The following INVS variants were observed in gnomAD, a reference collection of about 807,000 sequenced individuals.
The protein encoded by INVS is inversion of embryo turning homolog.
Under a neutral mutation model 108.8 loss-of-function variants are expected in INVS, and 86 were observed. The observed-to-expected ratio is 0.79, with a 90% CI of 0.66 to 0.95. The LOEUF (loss-of-function observed/expected upper bound fraction) is 0.95. Ranked by LOEUF, INVS falls within the 40% of genes least tolerant of loss-of-function variation. The probability of loss-of-function intolerance (pLI) is 0.00; values close to 1 mark genes in which losing one functional copy is unlikely to be tolerated. For missense variants in INVS, 1,169 were observed against 1,297.4 expected (o/e 0.90, Z 1.52); for synonymous variants, 455 against 473.5 (o/e 0.96, Z 0.51).
At chr9:100,177,191 G>A (rs368575497) in intron 3 of INVS, among the ~76,000 whole-genome samples, 19 of 151,978 alleles carry the variant, frequency 1.3e-4, no homozygotes, top group South Asian at 2.1e-4. Flanking sequence ...GCAAAAAACC[G>A]GGCGGCCATT....
chr9:100,226,139 T>C lies in INVS; in HGVS notation c.351T>C (p.Pro117=), dbSNP rs768984655. Residue 117 remains proline (P), a synonymous_variant, in exon 4 of 17, where the codon CCT becomes CCC. Transcript: ENST00000262457. The part of the protein sequence containing the change: ...WMQKDLEEMT[P]LHLTTRHRSP... ...AAAAGGATCTGGAAGAGATGACTCCTTTGCACTTGACCACCCGGCACAGGA... is the reference window on the plus strand; with the variant it reads ...AAAAGGATCTGGAAGAGATGACTCCCTTGCACTTGACCACCCGGCACAGGA... 6.2e-7 allele frequency: 1 copy of C among 1,614,030 alleles called. No homozygotes were observed. Among genetic ancestry groups the C allele is most frequent in the South Asian group, 1.1e-5 (1 of 91,042 alleles).
At chr9:100,149,057 A>T (rs1828721797) in intron 3 of INVS, among the ~76,000 whole-genome samples, 1 of 152,164 alleles carries the variant, frequency 6.6e-6, no homozygotes, top group African/African-American at 2.4e-5. Context: ...AGCAAAAAAA[A>T]AAAAAATGGG....
chr9:100,249,307 T>A (rs1057298440), intron 8 of INVS, among the ~76,000 whole-genome samples: 30 of 152,154 alleles, frequency 2.0e-4, no homozygotes, highest in African/African-American at 6.8e-4. Context: ...CTGGGCTACA[T>A]TTAGTTTTAA....
At chr9:100,185,114 A>G (rs1442304824) in intron 3 of INVS, among the ~76,000 whole-genome samples, 1 of 152,100 alleles carries the variant, frequency 6.6e-6, no homozygotes, top group Non-Finnish European at 1.5e-5. Context: ...ACACTTTTTT[A>G]TGAAATAATG....
intron 3 of INVS, among the ~76,000 whole-genome samples, chr9:100,211,323 CTT>C (rs1830824856): frequency 6.6e-6 from 1 of 152,104 alleles, no homozygotes; most frequent in Admixed American, 6.5e-5. Flanking sequence ...CATTTTATAA[CTT>C]TTTTCAATAT....
chr9:100,189,761 G>GT (rs968379676), intron 3 of INVS, among the ~76,000 whole-genome samples: 127 of 150,082 alleles, frequency 8.5e-4, no homozygotes, highest in Admixed American at 3.2e-3. Context: ...TTATTTGTTT[G>GT]TTTTTTTTTA....
intron 3 of INVS, among the ~76,000 whole-genome samples, chr9:100,136,442 T>A (rs1032373425): frequency 1.3e-5 from 2 of 152,172 alleles, no homozygotes; most frequent in Non-Finnish European, 2.9e-5. Flanking sequence ...AATTCATATA[T>A]CCCCACGATA....
At chr9:100,166,616 A>G (rs1200534101) in intron 3 of INVS, among the ~76,000 whole-genome samples, 1 of 152,222 alleles carries the variant, frequency 6.6e-6, no homozygotes, top group Non-Finnish European at 1.5e-5. Context: ...ACACACACTG[A>G]GCACCTATTA....
chr9:100,104,574 T>C lies in INVS; in HGVS notation c.53T>C (p.Val18Ala). Residue 18 changes from valine to alanine, a missense_variant, in exon 2 of 17, where the codon GTC becomes GCC. By Grantham distance (64) the Val-to-Ala change is moderately conservative (BLOSUM62 0). Coordinates refer to ENST00000262457, the MANE Select transcript of INVS (RefSeq NM_014425.5). ...LFAGSSLASQ[V>A]HAAAVNGDKG... is the part of the protein sequence containing the mutation. The stretch of plus-strand genomic sequence containing the variant: ...GCTGGTTCATCATTAGCATCACAAG[T>C]CCATGCTGCTGCCGTTAATGGAGAT... 6.2e-7 allele frequency: 1 copy of C among 1,614,182 alleles called. No individual in the cohort carries two copies. The highest frequency in any genetic ancestry group is 1.1e-5 in the South Asian group (1 of 91,082).
intron 3 of INVS, among the ~76,000 whole-genome samples, chr9:100,161,664 A>T (rs530586883): frequency 1.3e-5 from 2 of 152,230 alleles, no homozygotes; most frequent in Admixed American, 6.6e-5. Flanking sequence ...GATGAACATC[A>T]ATTTTCTAGA....
intron 3 of INVS, among the ~76,000 whole-genome samples, chr9:100,126,940 T>C (rs985932582): frequency 6.6e-6 from 1 of 152,360 alleles, no homozygotes; most frequent in African/African-American, 2.4e-5. Context: ...TTTTTACTTT[T>C]CACTGTTTAA....
At chr9:100,191,780 T>A (rs1023454694) in intron 3 of INVS, among the ~76,000 whole-genome samples, 12 of 152,204 alleles carry the variant, frequency 7.9e-5, no homozygotes, top group Non-Finnish European at 1.2e-4. Flanking sequence ...CAGAATTATT[T>A]TTCTGGTTCC....
At chr9:100,158,242 T>G (rs190498105) in intron 3 of INVS, among the ~76,000 whole-genome samples, 34 of 152,372 alleles carry the variant, frequency 2.2e-4, no homozygotes, top group African/African-American at 8.2e-4. Context: ...ATCTCTTTTC[T>G]GTAGCATAAA....
chr9:100,151,033 T>G (rs1024656643), intron 3 of INVS, among the ~76,000 whole-genome samples: 1 of 152,052 alleles, frequency 6.6e-6, no homozygotes, highest in African/African-American at 2.4e-5. Context: ...AAAATAGTAT[T>G]CAGTGAGATG....
intron 3 of INVS, among the ~76,000 whole-genome samples, chr9:100,165,052 G>A (rs1829318111): frequency 6.6e-6 from 1 of 151,238 alleles, no homozygotes; most frequent in Non-Finnish European, 1.5e-5. Context: ...TAAATTAGCT[G>A]TTGGATCTAA....
intron 1 of INVS, among the ~76,000 whole-genome samples, chr9:100,103,020 T>C (rs1438338754): frequency 6.6e-6 from 1 of 152,102 alleles, no homozygotes; most frequent in Non-Finnish European, 1.5e-5. Flanking sequence ...GCCCAGCTAA[T>C]TTTTGTATTT....
intron 16 of INVS, among the ~76,000 whole-genome samples, chr9:100,300,229 G>C (rs1833922773): frequency 6.6e-6 from 1 of 152,170 alleles, no homozygotes; most frequent in Admixed American, 6.5e-5. Context: ...TAATAGGAGA[G>C]TTAAAAGATG....
At chr9:100,131,881 C>G in intron 3 of INVS, 1 of 971,646 alleles carries the variant, frequency 1.0e-6, no homozygotes, top group Non-Finnish European at 1.2e-6. Flanking sequence ...TTTCAAGGTA[C>G]GCTGTTTCCA....
Position 100,117,528 on chromosome 9 carries a change from G to A in INVS, c.107-8855G>A, listed in dbSNP as rs1159850619. The A allele has an allele frequency of 3.9e-6, 4 of 1,014,950 alleles. No individual in the cohort carries two copies. The African/African-American group carries it at 4.9e-5, about 12-fold the overall frequency. 62.9% of individuals were successfully genotyped at this position (1,014,950 alleles called of 1,614,324 possible). A position where few individuals can be genotyped will look rare whatever the true frequency, so the allele number is the denominator to read the frequency against. ...GGGCCCCGTCCACGGCCGCAACCCC[G>A]GCCCCGGATGCCACTGCGGAAACCT... is the stretch of plus-strand genomic sequence containing the variant. On this transcript the variant is annotated intron_variant, in intron 2 of 16. Coordinates refer to ENST00000262457, the MANE Select transcript of INVS (RefSeq NM_014425.5).
Sources: allele counts gnomAD v4.1 joint callset (sites outside exome capture counted in the v4.1 genomes callset), GRCh38; gene constraint gnomAD v4.1.1; transcripts MANE v1.5; gene names NCBI Gene and HGNC (gene_info 2026-07-23, HGNC 2026-07-21).